The following PPP1R9A variants were observed in gnomAD, a reference collection of about 807,000 sequenced individuals.
PPP1R9A encodes the protein neurabin-1.
A neutral mutation model predicts 141.9 loss-of-function variants in PPP1R9A; 59 were observed. The observed-to-expected ratio is 0.42, with a 90% CI of 0.34 to 0.52. The LOEUF (loss-of-function observed/expected upper bound fraction) is 0.52, where lower values mean the gene tolerates loss of function less well. PPP1R9A is among the 20% of genes least tolerant of loss of function. The pLI, the probability that PPP1R9A is intolerant of heterozygous loss-of-function variation, is 0.10. For missense variants in PPP1R9A, 1,444 were observed against 1,611.9 expected (o/e 0.90, Z 1.78); for synonymous variants, 500 against 569.7 (o/e 0.88, Z 1.74).
intron 2 of PPP1R9A, among the ~76,000 whole-genome samples, chr7:94,979,242 G>A: frequency 6.6e-6 from 1 of 152,142 alleles, no homozygotes; most frequent in South Asian, 2.1e-4. Context: ...AATCAGATTT[G>A]TCATATATTT....
At chr7:95,256,644 G>C (rs1563510876) in intron 12 of PPP1R9A, among the ~76,000 whole-genome samples, 2 of 151,968 alleles carry the variant, frequency 1.3e-5, no homozygotes, top group Non-Finnish European at 2.9e-5. Context: ...AGTACTACCA[G>C]ATAAGCAAAA....
At chr7:95,096,578 C>G (rs80226200) in intron 2 of PPP1R9A, among the ~76,000 whole-genome samples, 4,105 of 152,210 alleles carry the variant, frequency 0.027, 182 homozygotes, top group African/African-American at 0.094. Flanking sequence ...CTGGTTCTCT[C>G]TAATCTTCTT....
chr7:94,910,278 G>A lies in PPP1R9A; in HGVS notation c.165G>A (p.Arg55=). The stretch of plus-strand genomic sequence containing the variant: ...AAGGTGAGGGCTCCCAGCAGAGCAG[G>A]GGGAGGAAATATGGCTCCAATGTCA... ...TKEGEGSQQS[R]GRKYGSNVNR... Residue 55 remains arginine (R), a synonymous_variant, in exon 2 of 20, where the codon AGG becomes AGA. Transcript: ENST00000433360. This position sits in a 1 kb window ranked among gnomAD's most constrained non-coding sequence, Gnocchi z 4.5. 1 of 1,614,046 alleles carries A rather than the reference G, an allele frequency of 6.2e-7. No individual in the cohort carries two copies. Among genetic ancestry groups the A allele is most frequent in the South Asian group, 1.1e-5 (1 of 91,056 alleles).
At chr7:95,230,838 A>G (rs1795819138) in intron 8 of PPP1R9A, among the ~76,000 whole-genome samples, 1 of 152,156 alleles carries the variant, frequency 6.6e-6, no homozygotes, top group Non-Finnish European at 1.5e-5. Flanking sequence ...CCTTTATAAC[A>G]ATAGCACAAT....
intron 2 of PPP1R9A, among the ~76,000 whole-genome samples, chr7:95,085,405 GA>G (rs1051591861): frequency 3.7e-5 from 5 of 134,472 alleles, no homozygotes; most frequent in Admixed American, 7.6e-5. Flanking sequence ...CAGCAAAAAA[GA>G]AAAAAAAATT....
At chr7:95,051,164 CT>C (rs200689867) in intron 2 of PPP1R9A, among the ~76,000 whole-genome samples, 16 of 149,210 alleles carry the variant, frequency 1.1e-4, no homozygotes, top group Admixed American at 2.0e-4. Context: ...TGTCTTGGTT[CT>C]TTTTTTTTAT....
chr7:95,101,132 G>A (rs1488542764), intron 2 of PPP1R9A, among the ~76,000 whole-genome samples: 1 of 152,022 alleles, frequency 6.6e-6, no homozygotes, highest in Non-Finnish European at 1.5e-5. Flanking sequence ...GATTACAGGC[G>A]TGAGCCACCG....
At chr7:95,142,453 C>T (rs1826873777) in intron 4 of PPP1R9A, among the ~76,000 whole-genome samples, 1 of 151,996 alleles carries the variant, frequency 6.6e-6, no homozygotes, top group Non-Finnish European at 1.5e-5. Context: ...TTTACTCGTT[C>T]ATCTTCCTCT....
intron 2 of PPP1R9A, among the ~76,000 whole-genome samples, chr7:95,037,345 A>T (rs1267176461): frequency 6.6e-6 from 1 of 152,122 alleles, no homozygotes; most frequent in Admixed American, 6.5e-5. Flanking sequence ...GTTTTCTGAA[A>T]TTTTTAAATT....
chr7:94,976,922 G>C (rs1043970174), intron 2 of PPP1R9A, among the ~76,000 whole-genome samples: 1 of 152,148 alleles, frequency 6.6e-6, no homozygotes, highest in Non-Finnish European at 1.5e-5. Flanking sequence ...TGGGGATCTA[G>C]AGAATAAATG....
At chr7:94,993,441 C>G (rs1044310471) in intron 2 of PPP1R9A, among the ~76,000 whole-genome samples, 6 of 152,082 alleles carry the variant, frequency 3.9e-5, no homozygotes, top group African/African-American at 1.4e-4. Flanking sequence ...AAAGAGCCTG[C>G]TGGTATTTTG....
At chr7:94,965,875 A>G (rs1482139509) in intron 2 of PPP1R9A, among the ~76,000 whole-genome samples, 1 of 151,964 alleles carries the variant, frequency 6.6e-6, no homozygotes, top group Non-Finnish European at 1.5e-5. Flanking sequence ...TGGTAGCTTG[A>G]TGGGGATGGC....
In PPP1R9A at chr7:95,003,612, A is replaced by T. The variant is rs1028368085; in HGVS notation, c.1395+92104A>T. On this transcript the variant is annotated intron_variant, in intron 2 of 19. Coordinates refer to ENST00000433360, the MANE Select transcript of PPP1R9A (RefSeq NM_001166160.2). Reference sequence around the variant, plus strand: ...AGGGAGAGGTAACTTTCAATCCCAAACATAGATCAAATACTTAGTAATTTA... The same window carrying T: ...AGGGAGAGGTAACTTTCAATCCCAATCATAGATCAAATACTTAGTAATTTA... Among the ~76,000 whole-genome samples the T allele has an allele frequency of 3.9e-5, 6 of 152,342 alleles. No homozygotes were observed. In the South Asian group the frequency reaches 1.2e-3, roughly 32 times the overall value.
chr7:95,179,596 T>A (rs1380961766), intron 5 of PPP1R9A, among the ~76,000 whole-genome samples: 7 of 152,062 alleles, frequency 4.6e-5, no homozygotes, highest in Non-Finnish European at 1.5e-5. Flanking sequence ...TGTTTGCTGA[T>A]GATATGATCA....
At chr7:95,237,895 AT>A (rs1170481737) in intron 8 of PPP1R9A, among the ~76,000 whole-genome samples, 1 of 151,878 alleles carries the variant, frequency 6.6e-6, no homozygotes, top group Non-Finnish European at 1.5e-5. Context: ...CTTATTTCAT[AT>A]TTTACAATGT....
intron 12 of PPP1R9A, among the ~76,000 whole-genome samples, chr7:95,252,423 C>G (rs1055538172): frequency 6.7e-6 from 1 of 150,112 alleles, no homozygotes; most frequent in Admixed American, 6.6e-5. Flanking sequence ...TTCATCCTAT[C>G]TAGGATGAAC....
intron 5 of PPP1R9A, among the ~76,000 whole-genome samples, chr7:95,194,707 C>A: frequency 1.5e-5 from 2 of 137,928 alleles, no homozygotes; most frequent in Non-Finnish European, 3.1e-5. Flanking sequence ...AAGCCAGTAT[C>A]ACTTACAATA....
intron 4 of PPP1R9A, among the ~76,000 whole-genome samples, chr7:95,128,546 C>G (rs991230439): frequency 1.3e-5 from 2 of 151,880 alleles, no homozygotes; most frequent in African/African-American, 4.8e-5. Context: ...TTTTTCTTTT[C>G]TTTTCTGTTT....
In PPP1R9A at chr7:95,080,329, C is replaced by A. The variant is rs541425180; in HGVS notation, c.1396-30930C>A. On this transcript the variant is annotated intron_variant, in intron 2 of 19. Coordinates refer to ENST00000433360, the MANE Select transcript of PPP1R9A (RefSeq NM_001166160.2). ...CAGAGAGCCAAATCATGAGTGAACTCCCATTCACAATTGCTTCAAAGAGAA... is the reference window on the plus strand; with the variant it reads ...CAGAGAGCCAAATCATGAGTGAACTACCATTCACAATTGCTTCAAAGAGAA... Among the ~76,000 whole-genome samples, 7 of 151,806 alleles carry A rather than the reference C, an allele frequency of 4.6e-5. No homozygotes were observed. The East Asian group carries it at 1.4e-3, about 29-fold the overall frequency.
Sources: allele counts gnomAD v4.1 joint callset (sites outside exome capture counted in the v4.1 genomes callset), GRCh38; gene constraint gnomAD v4.1.1; non-coding constraint Gnocchi (gnomAD v3.1); transcripts MANE v1.5; gene names NCBI Gene and HGNC (gene_info 2026-07-23, HGNC 2026-07-21).